TSPAN8: variants seen among roughly 807,000 people sequenced by gnomAD.
TSPAN8 encodes tetraspanin 8, also known as tetraspanin-8.
TSPAN8 carries 21 observed loss-of-function variants against 32.8 expected under a neutral mutation model. That is an observed-to-expected ratio of 0.64 (90% CI 0.45 to 0.92). The LOEUF (loss-of-function observed/expected upper bound fraction) is 0.92, where lower values mean the gene tolerates loss of function less well. Among genes scored for constraint, TSPAN8 ranks in the 40% least tolerant of loss-of-function variants. The probability of loss-of-function intolerance (pLI) is 0.00; values close to 1 mark genes in which losing one functional copy is unlikely to be tolerated. For missense variants in TSPAN8, 269 were observed against 281.9 expected (o/e 0.95, Z 0.33); for synonymous variants, 95 against 94.6 (o/e 1.00, Z -0.03).
At chr12:71,148,833 A>G (rs1467588736) in intron 2 of TSPAN8, among the ~76,000 whole-genome samples, 1 of 151,928 alleles carries the variant, frequency 6.6e-6, no homozygotes, top group East Asian at 1.9e-4. Context: ...TATTTTATCC[A>G]TTTCCCTTTT....
In TSPAN8 at chr12:71,129,431, AC is replaced by A. The variant is rs750249500; in HGVS notation, c.577-18del. On this transcript the variant is annotated intron_variant, in intron 7 of 8. Coordinates refer to ENST00000247829, the MANE Select transcript of TSPAN8 (RefSeq NM_004616.3). ...AATACAGGTCTGTTAAAAAAAAAAAACATTAAAAGTTACCTCTCAGAAAAAT... is the reference window on the plus strand; with the variant it reads ...AATACAGGTCTGTTAAAAAAAAAAAAATTAAAAGTTACCTCTCAGAAAAAT... 4.0e-5 allele frequency: 62 copies of A among 1,541,542 alleles called. No individual in the cohort carries two copies. Among genetic ancestry groups the A allele is most frequent in the Admixed American group, 3.4e-4 (15 of 44,448 alleles).
intron 3 of TSPAN8, among the ~76,000 whole-genome samples, chr12:71,142,854 A>C (rs935169963): frequency 1.2e-4 from 18 of 151,874 alleles, no homozygotes; most frequent in African/African-American, 3.4e-4. Context: ...AAACAAAAAA[A>C]AAAAAAACAG....
chr12:71,145,453 C>T (rs1347711004), intron 2 of TSPAN8, among the ~76,000 whole-genome samples: 1 of 152,052 alleles, frequency 6.6e-6, no homozygotes, highest in Non-Finnish European at 1.5e-5. Context: ...AAAACCAAAG[C>T]TCTTTAACCA....
At chr12:71,155,321 G>T (rs1027763336) in intron 2 of TSPAN8, among the ~76,000 whole-genome samples, 1 of 152,128 alleles carries the variant, frequency 6.6e-6, no homozygotes, top group Non-Finnish European at 1.5e-5. Context: ...CAAACCTCCA[G>T]TGCCTCCTCA....
At chr12:71,144,289 A>G in intron 2 of TSPAN8, 76 bp from the exon 3 acceptor site, 1 of 1,333,586 alleles carries the variant, frequency 7.5e-7, no homozygotes, top group South Asian at 1.2e-5. Flanking sequence ...CCTCCTATCT[A>G]TCCGGTGACA....
At chr12:71,130,779 T>G (rs948616385) in intron 7 of TSPAN8, among the ~76,000 whole-genome samples, 2 of 152,196 alleles carry the variant, frequency 1.3e-5, no homozygotes, top group Admixed American at 1.3e-4. Flanking sequence ...TCATTATGTT[T>G]CAGGGGTTTT....
At chr12:71,146,241 CTCTTA>C (rs1872073790) in intron 2 of TSPAN8, among the ~76,000 whole-genome samples, 2 of 152,168 alleles carry the variant, frequency 1.3e-5, no homozygotes, top group Non-Finnish European at 2.9e-5. Context: ...CCACCCCTAA[CTCTTA>C]TCTTTTCTTC....
At chr12:71,131,759 A>T (rs1182270230) in intron 7 of TSPAN8, among the ~76,000 whole-genome samples, 1 of 151,760 alleles carries the variant, frequency 6.6e-6, no homozygotes, top group East Asian at 1.9e-4. Flanking sequence ...AGCAGAACGA[A>T]CAACTTATGA....
intron 3 of TSPAN8, among the ~76,000 whole-genome samples, chr12:71,141,644 G>A (rs775338172): frequency 6.6e-6 from 1 of 152,250 alleles, no homozygotes; most frequent in Non-Finnish European, 1.5e-5. Context: ...CCCACTGCCA[G>A]AGACTAGCCA....
At chr12:71,150,949 T>C (rs576728069) in intron 2 of TSPAN8, among the ~76,000 whole-genome samples, 3 of 152,332 alleles carry the variant, frequency 2.0e-5, no homozygotes, top group Admixed American at 2.0e-4. Context: ...ATTAAACCTC[T>C]TTTTATTTAT....
At chr12:71,135,035 G>A (rs1871635779) in intron 6 of TSPAN8, among the ~76,000 whole-genome samples, 1 of 152,138 alleles carries the variant, frequency 6.6e-6, no homozygotes, top group Admixed American at 6.5e-5. Context: ...GGGAATTTGT[G>A]CGGGAAATCC....
chr12:71,135,412 C>T (rs1175023865), intron 6 of TSPAN8, among the ~76,000 whole-genome samples: 2 of 132,912 alleles, frequency 1.5e-5, no homozygotes, highest in East Asian at 2.2e-4. Flanking sequence ...GAAGGGAGAG[C>T]AGGAGGAAAA....
At chr12:71,149,389 G>A (rs906985406) in intron 2 of TSPAN8, among the ~76,000 whole-genome samples, 2 of 149,784 alleles carry the variant, frequency 1.3e-5, no homozygotes, top group Admixed American at 6.7e-5. Flanking sequence ...AAAAAAAAGA[G>A]TAGAATGTGC....
chr12:71,154,956 C>T (rs1247955543), intron 2 of TSPAN8, among the ~76,000 whole-genome samples: 1 of 152,164 alleles, frequency 6.6e-6, no homozygotes. Flanking sequence ...ACAAATTGCA[C>T]ATTAATAAGG....
intron 7 of TSPAN8, among the ~76,000 whole-genome samples, chr12:71,131,379 T>C (rs1871513226): frequency 6.6e-6 from 1 of 152,096 alleles, no homozygotes; most frequent in Non-Finnish European, 1.5e-5. Flanking sequence ...ATGACAGCAA[T>C]TCCCCTTCAG....
chr12:71,141,312 T>G (rs1219360497), intron 3 of TSPAN8, among the ~76,000 whole-genome samples: 1 of 152,216 alleles, frequency 6.6e-6, no homozygotes, highest in Non-Finnish European at 1.5e-5. Flanking sequence ...GTTTTCTCAT[T>G]AATATTAGAG....
intron 7 of TSPAN8, among the ~76,000 whole-genome samples, chr12:71,132,118 C>G (rs538555368): frequency 1.1e-4 from 16 of 152,260 alleles, no homozygotes; most frequent in East Asian, 7.7e-4. Flanking sequence ...AAAGATTAAC[C>G]TATCTTTTTC....
chr12:71,154,393 G>A (rs1284366113), intron 2 of TSPAN8, among the ~76,000 whole-genome samples: 1 of 151,044 alleles, frequency 6.6e-6, no homozygotes, highest in Non-Finnish European at 1.5e-5. Flanking sequence ...ATATCTGGGT[G>A]TGGCATGGTA....
chr12:71,139,071 G>A (rs1871806592), intron 4 of TSPAN8: 1 of 455,776 alleles, frequency 2.2e-6, no homozygotes, highest in African/African-American at 2.0e-5. Flanking sequence ...CTCTCTAAGA[G>A]ATAATTCTGA....
Sources: allele counts gnomAD v4.1 joint callset (sites outside exome capture counted in the v4.1 genomes callset), GRCh38; gene constraint gnomAD v4.1.1; transcripts MANE v1.5; gene names NCBI Gene and HGNC (gene_info 2026-07-23, HGNC 2026-07-21).